GAS2L3: variants seen among roughly 807,000 people sequenced by gnomAD.
GAS2L3 encodes GAS2-like protein 3.
Under a neutral mutation model 37.0 loss-of-function variants are expected in GAS2L3, and 28 were observed. That is an observed-to-expected ratio of 0.76 (90% confidence interval 0.56 to 1.04). The LOEUF is 1.04. Ranked by LOEUF, GAS2L3 falls within the 50% of genes least tolerant of loss-of-function variation. The pLI is 0.00. For synonymous variants in GAS2L3, 290 were observed against 296.6 expected (o/e 0.98, Z 0.23); for missense variants, 793 against 817.6 (o/e 0.97, Z 0.37).
chr12:100,582,569 G>A (rs1955726711), intron 1 of GAS2L3, among the ~76,000 whole-genome samples: 1 of 152,092 alleles, frequency 6.6e-6, no homozygotes, highest in Non-Finnish European at 1.5e-5. Context: ...CAGTGATGAG[G>A]AATTTATGAA....
chr12:100,576,188 A>G (rs1331551856), intron 1 of GAS2L3, among the ~76,000 whole-genome samples: 9 of 152,184 alleles, frequency 5.9e-5, no homozygotes, highest in Non-Finnish European at 1.2e-4. Context: ...TTTCAAAAGT[A>G]GTATCTCCTC....
At chr12:100,599,152 C>T (rs1354845496) in intron 3 of GAS2L3, among the ~76,000 whole-genome samples, 1 of 152,178 alleles carries the variant, frequency 6.6e-6, no homozygotes, top group Non-Finnish European at 1.5e-5. Flanking sequence ...ATGCGTTTCT[C>T]TTAGGCTCTA....
chr12:100,616,000 G>C (rs758593855), intron 6 of GAS2L3, among the ~76,000 whole-genome samples: 1 of 151,806 alleles, frequency 6.6e-6, no homozygotes, highest in Non-Finnish European at 1.5e-5. Context: ...TTGATCATCA[G>C]CTTTTCCATT....
In GAS2L3 at chr12:100,584,949, C is replaced by T. The variant is rs192790163; in HGVS notation, c.-151-6787C>T. ...TGTTGCCTAGGCTGGAGTGCTGTGG[C>T]GCAATCTTGACTCCCTGCAAGCTCT... On this transcript the variant is annotated intron_variant, in intron 1 of 9. Transcript: ENST00000547754. Among the ~76,000 whole-genome samples the T allele has an allele frequency of 1.6e-3, 216 of 135,508 alleles. 1 individual carries two copies. The East Asian group carries it at 0.024, about 15-fold the overall frequency. The allele number at this position is 135,508 out of a possible 152,430, so 88.9% of individuals were successfully genotyped here. A position where few individuals can be genotyped will look rare whatever the true frequency, so the allele number is the denominator to read the frequency against.
chr12:100,609,652 C>T (rs1212126424), intron 5 of GAS2L3, among the ~76,000 whole-genome samples: 1 of 152,184 alleles, frequency 6.6e-6, no homozygotes, highest in African/African-American at 2.4e-5. Context: ...CCTAGACTGC[C>T]CCTCAAGTTC....
chr12:100,620,141 A>G (rs1377178479), intron 8 of GAS2L3, among the ~76,000 whole-genome samples: 1 of 152,040 alleles, frequency 6.6e-6, no homozygotes, highest in African/African-American at 2.4e-5. Flanking sequence ...GGCATAAATG[A>G]AAGTGTTTAT....
chr12:100,602,765 AC>A (rs1956008361), intron 5 of GAS2L3, among the ~76,000 whole-genome samples: 1 of 151,478 alleles, frequency 6.6e-6, no homozygotes, highest in Non-Finnish European at 1.5e-5. Flanking sequence ...TATTTTTTGC[AC>A]CCTTAACCAT....
chr12:100,622,461 C>T, intron 9 of GAS2L3, 79 bp downstream of exon 9: 1 of 685,016 alleles, frequency 1.5e-6, no homozygotes, highest in East Asian at 2.7e-5. Flanking sequence ...ACCTTTTGCT[C>T]TCCTTTTACT....
At chr12:100,581,956 A>C (rs1955718207) in intron 1 of GAS2L3, among the ~76,000 whole-genome samples, 1 of 152,046 alleles carries the variant, frequency 6.6e-6, no homozygotes, top group Non-Finnish European at 1.5e-5. Context: ...AAATATTTTT[A>C]TTTTTTTGAA....
At chr12:100,595,055 A>G (rs1490737656) in intron 3 of GAS2L3, 133 bp downstream of exon 3, 2 of 399,170 alleles carry the variant, frequency 5.0e-6, no homozygotes, top group Admixed American at 4.6e-5. Context: ...TTAATAACAC[A>G]TACTATATTT....
chr12:100,592,149 C>T (rs975201233), intron 2 of GAS2L3, among the ~76,000 whole-genome samples: 1 of 152,024 alleles, frequency 6.6e-6, no homozygotes, highest in African/African-American at 2.4e-5. Flanking sequence ...GTTGAAAGGC[C>T]CTTGTGCATT....
At position 100,601,721 on chromosome 12, in the gene GAS2L3, A is replaced by G. The variant is rs1565805444; in HGVS notation, c.271A>G (p.Met91Val). ...TCAACTGATTGATGTTCTTCAAAAC[A>G]TGGTGAAAACATGCAACTCTGAAGA... ...LCQLIDVLQNMVKTCNSEESG... is the reference protein window; with the variant it reads ...LCQLIDVLQNVVKTCNSEESG... Residue 91 changes from methionine to valine, a missense_variant, in exon 5 of 10, where the codon ATG becomes GTG. Physicochemically the swap from Met to Val is conservative, Grantham distance 21 (BLOSUM62 1). Transcript: ENST00000547754. The G allele has an allele frequency of 1.9e-6, 3 of 1,598,974 alleles. No homozygotes were observed. Among genetic ancestry groups the G allele is most frequent in the East Asian group, 2.2e-5 (1 of 44,484 alleles).
At chr12:100,610,518 A>ATTTT (rs199583019) in intron 5 of GAS2L3, among the ~76,000 whole-genome samples, 1 of 146,026 alleles carries the variant, frequency 6.8e-6, no homozygotes. Context: ...TATTGGTTTG[A>ATTTT]TTTTTTTTTT....
chr12:100,598,013 T>C (rs1304132261), intron 3 of GAS2L3, among the ~76,000 whole-genome samples: 1 of 152,142 alleles, frequency 6.6e-6, no homozygotes, highest in Middle Eastern at 3.2e-3. Flanking sequence ...AGTAGTTAAG[T>C]GTAGTACAAA....
At chr12:100,622,404 T>A (rs1956266570) in intron 9 of GAS2L3, 22 bp downstream of exon 9, 1 of 1,128,232 alleles carries the variant, frequency 8.9e-7, no homozygotes, top group Non-Finnish European at 1.3e-6. Context: ...ATTTACACTT[T>A]ATTTACACAT....
chr12:100,604,316 CTTAAG>C (rs983379283), intron 5 of GAS2L3, among the ~76,000 whole-genome samples: 13 of 151,746 alleles, frequency 8.6e-5, no homozygotes, highest in African/African-American at 1.9e-4. Flanking sequence ...CACTTCTTAG[CTTAAG>C]TTAATTCCTA....
intron 1 of GAS2L3, chr12:100,579,858 G>T: frequency 1.3e-6 from 1 of 744,300 alleles, no homozygotes; most frequent in Non-Finnish European, 2.5e-6. Flanking sequence ...GGCATTGCTG[G>T]CTCCAGAAAA....
intron 8 of GAS2L3, 36 bp downstream of exon 8, chr12:100,618,623 C>T (rs1452656121): frequency 1.3e-6 from 2 of 1,571,932 alleles, no homozygotes; most frequent in East Asian, 2.3e-5. Flanking sequence ...GACCATGATA[C>T]CTTGAAGTCT....
In GAS2L3 at chr12:100,623,665, C is replaced by T. The variant is rs773862403; in HGVS notation, c.860C>T (p.Thr287Ile). The change falls in exon 10 of 10, where the codon ACA becomes ATA. Residue 287 changes from threonine (T) to isoleucine (I), a missense_variant. Thr to Ile is a moderately conservative substitution (Grantham distance 89, BLOSUM62 -1). Transcript: ENST00000547754. ...YDPCRILQFATLEQKILAFQK... is the reference protein window; with the variant it reads ...YDPCRILQFAILEQKILAFQK... ...CCCTGTCGAATATTACAGTTTGCCACATTAGAACAAAAAATTTTAGCATTT... is the reference window on the plus strand; with the variant it reads ...CCCTGTCGAATATTACAGTTTGCCATATTAGAACAAAAAATTTTAGCATTT... The T allele has an allele frequency of 6.2e-6, 10 of 1,613,972 alleles. No homozygotes were observed. The East Asian group carries it at 1.3e-4, about 22-fold the overall frequency.
Sources: allele counts gnomAD v4.1 joint callset (sites outside exome capture counted in the v4.1 genomes callset), GRCh38; gene constraint gnomAD v4.1.1; transcripts MANE v1.5; gene names NCBI Gene and HGNC (gene_info 2026-07-23, HGNC 2026-07-21).